The following WDR3 variants were observed in gnomAD, a reference collection of about 807,000 sequenced individuals.
WDR3 encodes WD repeat-containing protein 3.
A neutral mutation model predicts 123.7 loss-of-function variants in WDR3; 81 were observed. That is an observed-to-expected ratio of 0.65 (90% confidence interval 0.55 to 0.79). The LOEUF (loss-of-function observed/expected upper bound fraction) is 0.79, where lower values mean the gene tolerates loss of function less well. Ranked by LOEUF, WDR3 falls within the 30% of genes least tolerant of loss-of-function variation. The pLI, the probability that WDR3 is intolerant of heterozygous loss-of-function variation, is 0.00. For missense variants in WDR3, 1,027 were observed against 1,123.2 expected (o/e 0.91, Z 1.22); for synonymous variants, 390 against 388.8 (o/e 1.00, Z -0.04).
At position 117,963,839 on chromosome 1, in the gene WDR3, G is replaced by A. The variant is rs1188301898; in HGVS notation, c.*4392G>A. 2.9e-5 allele frequency: 46 copies of A among 1,613,620 alleles called. No homozygotes were observed. Among genetic ancestry groups the A allele is most frequent in the Non-Finnish European group, 3.6e-5 (42 of 1,179,692 alleles). ...TTTACGAGACATGAAGACTCCAAGTGTGGAGGAATAAATTGTAGAAGTTCT... is the reference window on the plus strand; with the variant it reads ...TTTACGAGACATGAAGACTCCAAGTATGGAGGAATAAATTGTAGAAGTTCT... On this transcript the variant is annotated 3_prime_UTR_variant, in exon 27 of 27. Coordinates refer to ENST00000349139, the MANE Select transcript of WDR3 (RefSeq NM_006784.3).
chr1:117,953,014 A>G lies in WDR3; in HGVS notation c.2202+18A>G, dbSNP rs1441193675. 1.9e-6 allele frequency: 3 copies of G among 1,612,336 alleles called. No individual in the cohort carries two copies. The African/African-American group carries it at 4.0e-5, about 22-fold the overall frequency. ...AACCAGCAGTAAGTAAATTTTGGGG[A>G]CCTTGAGATTATGCCCCATATATAG... On this transcript the variant is annotated intron_variant, in intron 20 of 26. Coordinates refer to ENST00000349139, the MANE Select transcript of WDR3 (RefSeq NM_006784.3).
intron 2 of WDR3, chr1:117,933,793 C>A: frequency 2.8e-6 from 1 of 352,990 alleles, no homozygotes. Context: ...TCTACCAATT[C>A]TATTTTTCAA....
Position 117,936,866 on chromosome 1 carries a change from A to G in WDR3, c.479A>G (p.Glu160Gly). The G allele has an allele frequency of 1.2e-6, 2 of 1,612,966 alleles. No homozygotes were observed. The highest frequency in any genetic ancestry group is 1.7e-5 in the Admixed American group (1 of 59,908). ...ATCACACAAGCATTGTTTCTACGAG[A>G]AAAGAACCTGCTAGTTACTAGGTAA... Reference protein sequence around the residue: ...DAITQALFLREKNLLVTSGKD... With the variant: ...DAITQALFLRGKNLLVTSGKD... Residue 160 changes from glutamate (E) to glycine (G), a missense_variant, in exon 4 of 27, where the codon GAA (glutamate) becomes GGA (glycine). Coordinates refer to ENST00000349139, the MANE Select transcript of WDR3 (RefSeq NM_006784.3).
Position 117,952,018 on chromosome 1 carries a change from A to C in WDR3, c.1846A>C (p.Lys616Gln). 6.2e-7 allele frequency: 1 copy of C among 1,613,542 alleles called. No homozygotes were observed. The highest frequency in any genetic ancestry group is 8.5e-7 in the Non-Finnish European group (1 of 1,179,506). The change falls in exon 17 of 27, where the codon AAA becomes CAA. Residue 616 changes from lysine to glutamine, a missense_variant. Physicochemically the swap from Lys to Gln is moderately conservative, Grantham distance 53 (BLOSUM62 1). Coordinates refer to ENST00000349139, the MANE Select transcript of WDR3 (RefSeq NM_006784.3). ...AACTGGCTCCGCTGATAGGAATGTGAAAATCTGGGGTTTGGACTTTGGGGA... is the reference window on the plus strand; with the variant it reads ...AACTGGCTCCGCTGATAGGAATGTGCAAATCTGGGGTTTGGACTTTGGGGA... ...IATGSADRNVKIWGLDFGDCH... is the reference protein window; with the variant it reads ...IATGSADRNVQIWGLDFGDCH...
In WDR3 at chr1:117,941,147, T is replaced by A; in HGVS notation, c.813T>A (p.Ala271=). Residue 271 remains alanine, a synonymous_variant, in exon 8 of 27, where the codon GCT becomes GCA. Transcript: ENST00000349139. Reference sequence around the variant, plus strand: ...AGCGAATCCTTTCATGCAGAAAAGCTGGTTCCATAATGCGGGAAGGAAGAG... The same window carrying A: ...AGCGAATCCTTTCATGCAGAAAAGCAGGTTCCATAATGCGGGAAGGAAGAG... The part of the protein sequence containing the change: ...PEDRILSCRK[A]GSIMREGRDR... The A allele has an allele frequency of 6.2e-7, 1 of 1,614,178 alleles. No individual in the cohort carries two copies. Among genetic ancestry groups the A allele is most frequent in the Non-Finnish European group, 8.5e-7 (1 of 1,180,014 alleles).
intron 15 of WDR3, 92 bp downstream of exon 15, chr1:117,950,222 G>A (rs1392444962): frequency 2.1e-6 from 3 of 1,444,844 alleles, no homozygotes; most frequent in Non-Finnish European, 1.9e-6. Flanking sequence ...CCTTGACTGT[G>A]CCCAGCGATA....
intron 12 of WDR3, among the ~76,000 whole-genome samples, chr1:117,946,993 C>T (rs1651428551): frequency 6.6e-6 from 1 of 150,708 alleles, no homozygotes; most frequent in South Asian, 2.1e-4. Flanking sequence ...CATAACTGCT[C>T]ATAGTGTGTT....
rs774565996 is a variant in WDR3 at position 117,939,482 on chromosome 1, G to A, written c.585G>A (p.Trp195Ter). ...KTMVGHRTEVWGLVLLSEEKR... is the reference protein window; with the variant it reads ...KTMVGHRTEV Reference sequence around the variant, plus strand: ...AATCTTTTTATATTCTATAGGTATGGGGGTTGGTTCTGTTGTCAGAAGAAA... The same window carrying A: ...AATCTTTTTATATTCTATAGGTATGAGGGTTGGTTCTGTTGTCAGAAGAAA... The change falls in exon 6 of 27, where the codon TGG becomes TGA. Residue 195 changes from tryptophan to a stop codon, truncating the protein, a stop_gained. Transcript: ENST00000349139. LOFTEE classifies it high-confidence loss of function. 1.9e-6 allele frequency: 3 copies of A among 1,613,660 alleles called. No individual in the cohort carries two copies. Among genetic ancestry groups the A allele is most frequent in the Non-Finnish European group, 2.5e-6 (3 of 1,179,638 alleles).
At chr1:117,936,536 A>G (rs1335603816) in intron 3 of WDR3, among the ~76,000 whole-genome samples, 1 of 152,180 alleles carries the variant, frequency 6.6e-6, no homozygotes, top group Non-Finnish European at 1.5e-5. Flanking sequence ...GTCTTCTAAT[A>G]GGAAAATAAC....
intron 1 of WDR3, among the ~76,000 whole-genome samples, chr1:117,932,593 T>TA (rs1178824411): frequency 6.6e-6 from 1 of 152,188 alleles, no homozygotes; most frequent in Non-Finnish European, 1.5e-5. Context: ...GGTGCCTGTC[T>TA]AATTGGTAGG....
chr1:117,963,586 G>C lies in WDR3; in HGVS notation c.*4139G>C, dbSNP rs1218211655. On this transcript the variant is annotated 3_prime_UTR_variant, in exon 27 of 27. Coordinates refer to ENST00000349139, the MANE Select transcript of WDR3 (RefSeq NM_006784.3). ...TCACCAAGTTAGCCAGGATGGTCTC[G>C]ATCTCCTGACCTTGTGATCCACCCA... The C allele has an allele frequency of 9.3e-6, 3 of 323,000 alleles. No individual in the cohort carries two copies. Among genetic ancestry groups the C allele is most frequent in the East Asian group, 1.0e-4 (2 of 19,182 alleles). The allele number at this position is 323,000 out of a possible 1,614,324, so 20.0% of individuals were successfully genotyped here.
Position 117,966,521 on chromosome 1 carries a change from G to C in WDR3, c.*7074G>C. On this transcript the variant is annotated 3_prime_UTR_variant, in exon 27 of 27. Coordinates refer to ENST00000349139, the MANE Select transcript of WDR3 (RefSeq NM_006784.3). ...TGATTTTGAAGATAGAATTAATAAA[G>C]TAGAGATGCATTTTGACTTCCATGT... is the stretch of plus-strand genomic sequence containing the variant. 8.4e-7 allele frequency: 1 copy of C among 1,196,692 alleles called. No homozygotes were observed. The highest frequency in any genetic ancestry group is 1.1e-6 in the Non-Finnish European group (1 of 880,246). 74.1% of individuals were successfully genotyped at this position (1,196,692 alleles called of 1,614,324 possible). A position where few individuals can be genotyped will look rare whatever the true frequency, so the allele number is the denominator to read the frequency against.
intron 7 of WDR3, 28 bp from the exon 8 acceptor site, chr1:117,941,096 C>A (rs796413738): frequency 7.4e-6 from 12 of 1,611,570 alleles, no homozygotes; most frequent in South Asian, 6.6e-5. Context: ...TTACATCTAA[C>A]CTTCATCTGC....
rs1199091936 is a variant in WDR3, at chr1:117,955,322, C to T, written c.2417C>T (p.Ala806Val). ...TTAATCCTTCCTTTATAGCCTTCAG[C>T]TTATGTATTAGAGATTTTTAAAGGG... ...LMAYGSISPS[A>V]YVLEIFKGIK... is the part of the protein sequence containing the mutation. The change falls in exon 24 of 27, where the codon GCT (alanine) becomes GTT (valine). Residue 806 changes from alanine to valine, a missense_variant. By Grantham distance (64) the Ala-to-Val change is moderately conservative (BLOSUM62 0). Coordinates refer to ENST00000349139, the MANE Select transcript of WDR3 (RefSeq NM_006784.3). 7 of 1,611,468 alleles carry T rather than the reference C, an allele frequency of 4.3e-6. No individual in the cohort carries two copies. The South Asian group carries it at 7.7e-5, about 18-fold the overall frequency.
rs764543878 is a variant in WDR3 at position 117,957,134 on chromosome 1, C to T, written c.2520C>T (p.Asn840=). The change falls in exon 25 of 27, where the codon AAC becomes AAT. Residue 840 remains asparagine, a synonymous_variant. Coordinates refer to ENST00000349139, the MANE Select transcript of WDR3 (RefSeq NM_006784.3). ...TCCCAGACATTCTTAAACTCTTTAA[C>T]GAATTCATTCAGCTGGGCTCTGATG... ...SYVPDILKLF[N]EFIQLGSDVE... is the part of the protein sequence containing the mutation. 11 of 1,612,576 alleles carry T rather than the reference C, an allele frequency of 6.8e-6. No individual in the cohort carries two copies. Among genetic ancestry groups the T allele is most frequent in the East Asian group, 6.7e-5 (3 of 44,794 alleles).
At position 117,965,742 on chromosome 1, in the gene WDR3, T is replaced by A. The variant is rs757090200; in HGVS notation, c.*6295T>A. On this transcript the variant is annotated 3_prime_UTR_variant, in exon 27 of 27. Coordinates refer to ENST00000349139, the MANE Select transcript of WDR3 (RefSeq NM_006784.3). ...TCTTAATAAAGATATGCTGATCATG[T>A]CACCCACAGGGTCAGGAATCTGCAG... 2.6e-5 allele frequency: 4 copies of A among 152,224 alleles called. No homozygotes were observed. Among genetic ancestry groups the A allele is most frequent in the Non-Finnish European group, 5.9e-5 (4 of 68,038 alleles). 9.4% of individuals were successfully genotyped at this position (152,224 alleles called of 1,614,324 possible).
In WDR3 at chr1:117,943,536, G is replaced by T; in HGVS notation, c.1238G>T (p.Gly413Val). The T allele has an allele frequency of 6.2e-7, 1 of 1,614,102 alleles. No individual in the cohort carries two copies. Among genetic ancestry groups the T allele is most frequent in the Non-Finnish European group, 8.5e-7 (1 of 1,180,026 alleles). ...AGGACAAGCAGAATCACTATTGGGG[G>T]TCATCGCAGTGATGTGCGGACTTTG... is the stretch of plus-strand genomic sequence containing the variant. ...PVRTSRITIG[G>V]HRSDVRTLSF... is the part of the protein sequence containing the mutation. Residue 413 changes from glycine to valine, a missense_variant, in exon 11 of 27, where the codon GGT becomes GTT. Coordinates refer to ENST00000349139, the MANE Select transcript of WDR3 (RefSeq NM_006784.3).
intron 16 of WDR3, among the ~76,000 whole-genome samples, chr1:117,951,290 A>G (rs903839639): frequency 4.6e-5 from 7 of 151,892 alleles, no homozygotes. Flanking sequence ...GGTATTTTAC[A>G]CTATGTAGAC....
chr1:117,945,762 G>A (rs1008066216), intron 11 of WDR3, among the ~76,000 whole-genome samples: 8 of 152,188 alleles, frequency 5.3e-5, no homozygotes, highest in African/African-American at 1.2e-4. Flanking sequence ...ATGTAATGAT[G>A]TACTAATTTG....
Sources: allele counts gnomAD v4.1 joint callset (sites outside exome capture counted in the v4.1 genomes callset), GRCh38; gene constraint gnomAD v4.1.1; transcripts MANE v1.5; gene names NCBI Gene and HGNC (gene_info 2026-07-23, HGNC 2026-07-21).